UBAP2L: variants seen among roughly 807,000 people sequenced by gnomAD.
The protein encoded by UBAP2L is ubiquitin-associated protein 2-like.
Under a neutral mutation model 130.6 loss-of-function variants are expected in UBAP2L, and 12 were observed. The ratio of observed to expected loss-of-function variants is 0.09; its 90% CI spans 0.06 to 0.15. The LOEUF (loss-of-function observed/expected upper bound fraction) is 0.15. Ranked by LOEUF, UBAP2L falls within the 10% of genes least tolerant of loss-of-function variation. The pLI is 1.00. For synonymous variants in UBAP2L, 503 were observed against 524.7 expected, an observed-to-expected ratio of 0.96 and a Z score of 0.57; for missense variants, 965 against 1,332.5, an observed-to-expected ratio of 0.72 and a Z score of 4.29.
At chr1:154,240,654 T>A (rs1367091726) in intron 8 of UBAP2L, among the ~76,000 whole-genome samples, 1 of 152,108 alleles carries the variant, frequency 6.6e-6, no homozygotes, top group Admixed American at 6.6e-5. Flanking sequence ...TTAATCTAAT[T>A]CTCATAGCAG....
chr1:154,246,190 C>T lies in UBAP2L; in HGVS notation c.843-14C>T, dbSNP rs112622901. ...CAGTCATTCTTCATGAAGATCCCTTCCCTTCCCCATTAGAATTGACCTTGC... is the reference window on the plus strand; with the variant it reads ...CAGTCATTCTTCATGAAGATCCCTTTCCTTCCCCATTAGAATTGACCTTGC... On this transcript the variant is annotated splice_polypyrimidine_tract_variant and intron_variant, in intron 10 of 26. Coordinates refer to ENST00000428931, the MANE Select transcript of UBAP2L (RefSeq NM_014847.4). 481 of 1,594,066 alleles carry T rather than the reference C, an allele frequency of 3.0e-4. No homozygotes were observed. The African/African-American group carries it at 5.4e-3, about 18-fold the overall frequency.
rs1180095355 is a variant in UBAP2L, at chr1:154,256,944, C to G, written c.2158-119C>G. On this transcript the variant is annotated intron_variant, in intron 18 of 26. Transcript: ENST00000428931. Reference sequence around the variant, plus strand: ...TACTTTGGTACCTTGCCTACTTGGCCTCTTTAATTAGGAAGTTGACATCAT... The same window carrying G: ...TACTTTGGTACCTTGCCTACTTGGCGTCTTTAATTAGGAAGTTGACATCAT... The G allele has an allele frequency of 5.8e-6, 7 of 1,212,294 alleles. No homozygotes were observed. The African/African-American group carries it at 1.1e-4, about 18-fold the overall frequency. 75.1% of individuals were successfully genotyped at this position (1,212,294 alleles called of 1,614,324 possible). A position where few individuals can be genotyped will look rare whatever the true frequency, so the allele number is the denominator to read the frequency against.
Position 154,237,348 on chromosome 1 carries a change from G to A in UBAP2L, c.703+212G>A, listed in dbSNP as rs971558802. 1.1e-4 allele frequency among the ~76,000 whole-genome samples: 16 copies of A among 152,186 alleles called. 1 individual carries two copies. The highest frequency in any genetic ancestry group is 2.6e-4 in the Admixed American group (4 of 15,270). On this transcript the variant is annotated intron_variant, in intron 8 of 26. Transcript: ENST00000428931. ...ATTTCGCTTAATGCTGCTTGATATTGTATGAAATAATCATTATTTATCATC... is the reference window on the plus strand; with the variant it reads ...ATTTCGCTTAATGCTGCTTGATATTATATGAAATAATCATTATTTATCATC...
chr1:154,252,838 C>T (rs1456271808), intron 14 of UBAP2L, among the ~76,000 whole-genome samples: 2 of 152,196 alleles, frequency 1.3e-5, no homozygotes, highest in East Asian at 3.9e-4. Context: ...GGATTACAGG[C>T]GTGAGCCACC....
intron 18 of UBAP2L, 125 bp from the exon 19 acceptor site, chr1:154,256,937 AC>A: frequency 1.8e-6 from 2 of 1,089,884 alleles, no homozygotes; most frequent in Non-Finnish European, 2.6e-6. Flanking sequence ...TACCTTGCCT[AC>A]TTGGCCTCTT....
chr1:154,225,281 A>G (rs1464816143), intron 2 of UBAP2L, 68 bp downstream of exon 2: 2 of 1,538,372 alleles, frequency 1.3e-6, no homozygotes, highest in Non-Finnish European at 8.9e-7. Context: ...CATGCAGTAC[A>G]GCATCATTCT....
At position 154,258,984 on chromosome 1, in the gene UBAP2L, T is replaced by C. The variant is rs1680586078; in HGVS notation, c.2450T>C (p.Val817Ala). The change falls in exon 21 of 27, where the codon GTA becomes GCA. Residue 817 changes from valine (V) to alanine (A), a missense_variant. Val to Ala is a moderately conservative substitution (Grantham distance 64, BLOSUM62 0). This residue lies in a region of UBAP2L where 393 missense variants were observed against 408.1 expected (regional missense o/e 0.96). Transcript: ENST00000428931. The stretch of plus-strand genomic sequence containing the variant: ...TATGTCTGTATCTTTCAGCCACAAG[T>C]ATATGGTTATGATGACTTGCAGATG... ...PGLLHAYPPQVYGYDDLQMLQ... is the reference protein window; with the variant it reads ...PGLLHAYPPQAYGYDDLQMLQ... 3 of 1,613,972 alleles carry C rather than the reference T, an allele frequency of 1.9e-6. No homozygotes were observed. Among genetic ancestry groups the C allele is most frequent in the Non-Finnish European group, 2.5e-6 (3 of 1,179,896 alleles).
In UBAP2L at chr1:154,270,643, T is replaced by C. The variant is rs1684547203; in HGVS notation, c.*348T>C. 11 of 1,408,784 alleles carry C rather than the reference T, an allele frequency of 7.8e-6. No individual in the cohort carries two copies. The East Asian group carries it at 2.6e-4, about 34-fold the overall frequency. The allele number at this position is 1,408,784 out of a possible 1,614,324, so 87.3% of individuals were successfully genotyped here. A position where few individuals can be genotyped will look rare whatever the true frequency, so the allele number is the denominator to read the frequency against. ...CGGGGAGGTGGGACCCCCAAACATA[T>C]ATCAGCCCAACAGCCCTAAGTCTCC... On this transcript the variant is annotated 3_prime_UTR_variant, in exon 27 of 27. Transcript: ENST00000428931.
At chr1:154,266,459 G>A in intron 24 of UBAP2L, 42 bp from the exon 25 acceptor site, 1 of 1,597,342 alleles carries the variant, frequency 6.3e-7, no homozygotes, top group African/African-American at 1.3e-5. Flanking sequence ...GGGCCAGGTA[G>A]CTAGCTGAGC....
chr1:154,222,743 A>C (rs912853662), intron 1 of UBAP2L, among the ~76,000 whole-genome samples: 1 of 152,242 alleles, frequency 6.6e-6, no homozygotes, highest in African/African-American at 2.4e-5. Context: ...GAGGGCAGCT[A>C]CTAAGTCATA....
intron 4 of UBAP2L, among the ~76,000 whole-genome samples, chr1:154,232,100 G>C (rs900280459): frequency 6.6e-6 from 1 of 152,030 alleles, no homozygotes; most frequent in Admixed American, 6.6e-5. Flanking sequence ...AGGCCATGGC[G>C]GGCGGATCAC....
At chr1:154,235,988 G>A (rs1486219494) in intron 6 of UBAP2L, among the ~76,000 whole-genome samples, 2 of 152,162 alleles carry the variant, frequency 1.3e-5, no homozygotes, top group African/African-American at 4.8e-5. Context: ...GATTGCAGAA[G>A]GGGAGAGTGA....
upstream of UBAP2L, chr1:154,220,583 G>A: frequency 7.7e-6 from 5 of 649,906 alleles, 1 homozygote; most frequent in South Asian, 7.4e-5. Context: ...GGAGAGCTGG[G>A]AAAGGAGAAC....
chr1:154,268,170 T>C (rs1683911715), intron 25 of UBAP2L, among the ~76,000 whole-genome samples: 1 of 151,972 alleles, frequency 6.6e-6, no homozygotes, highest in Admixed American at 6.6e-5. Context: ...ATTACAGGCA[T>C]GGGCCACTGC....
intron 14 of UBAP2L, 129 bp from the exon 15 acceptor site, chr1:154,253,771 A>G (rs56237728): frequency 4.7e-5 from 43 of 911,500 alleles, no homozygotes; most frequent in East Asian, 1.1e-4. Context: ...AGATTCTTCT[A>G]TTTGTTGCTG....
At chr1:154,232,604 G>A (rs921605783) in intron 4 of UBAP2L, among the ~76,000 whole-genome samples, 1 of 152,156 alleles carries the variant, frequency 6.6e-6, no homozygotes, top group Admixed American at 6.5e-5. Context: ...GAAATATAGG[G>A]AGAACACTGC....
At chr1:154,241,658 C>T in intron 9 of UBAP2L, 93 bp downstream of exon 9, 1 of 1,568,148 alleles carries the variant, frequency 6.4e-7, no homozygotes, top group South Asian at 1.2e-5. Context: ...CCTCAAAATT[C>T]ACCCTTAAGA....
chr1:154,256,470 C>G (rs970836539), intron 18 of UBAP2L, among the ~76,000 whole-genome samples: 3 of 152,032 alleles, frequency 2.0e-5, no homozygotes, highest in African/African-American at 7.3e-5. Flanking sequence ...GACCTCATCT[C>G]CATAAAAATT....
chr1:154,221,298 G>A (rs1315431119), intron 1 of UBAP2L: 1 of 153,170 alleles, frequency 6.5e-6, no homozygotes, highest in African/African-American at 2.4e-5. Context: ...GCCGGGGCGG[G>A]GCTTGGAGCA....
Sources: gnomAD v4.1 joint callset for allele counts (sites outside exome capture counted in the v4.1 genomes callset) on GRCh38, gnomAD v4.1.1 for gene constraint, gnomAD v4.1.1 regional missense constraint, MANE v1.5 for transcripts, NCBI Gene and HGNC (gene_info 2026-07-23, HGNC 2026-07-21) for gene names.